The following TTC3 variants were observed in gnomAD, a reference collection of about 807,000 sequenced individuals.
TTC3 encodes E3 ubiquitin-protein ligase TTC3.
In TTC3, 180 loss-of-function variants were observed where a neutral mutation model predicts 249.6. That is an observed-to-expected ratio of 0.72 (90% CI 0.64 to 0.82). TTC3 has a LOEUF of 0.82. Ranked by LOEUF, TTC3 falls within the 40% of genes least tolerant of loss-of-function variation. The pLI is 0.00. For synonymous variants in TTC3, 717 were observed against 805.0 expected, an observed-to-expected ratio of 0.89 and a Z score of 1.85; for missense variants, 2,061 against 2,398.4, an observed-to-expected ratio of 0.86 and a Z score of 2.94.
intron 14 of TTC3, 39 bp from the exon 15 acceptor site, chr21:37,126,041 G>GTT (rs201506911): frequency 5.9e-3 from 7,438 of 1,250,578 alleles, no homozygotes; most frequent in Admixed American, 8.1e-3. Context: ...TGGCTGGGTT[G>GTT]TTTTTTTTTT....
intron 45 of TTC3, among the ~76,000 whole-genome samples, chr21:37,200,970 T>C (rs1437589977): frequency 1.3e-5 from 2 of 152,148 alleles, no homozygotes; most frequent in African/African-American, 4.8e-5. Flanking sequence ...CAGGGTCTTA[T>C]ATTTGGGCTA....
chr21:37,103,613 C>G (rs2074744495), intron 10 of TTC3, among the ~76,000 whole-genome samples: 1 of 151,934 alleles, frequency 6.6e-6, no homozygotes, highest in Non-Finnish European at 1.5e-5. Flanking sequence ...ATAATATATG[C>G]TATTATAACG....
intron 39 of TTC3, among the ~76,000 whole-genome samples, chr21:37,189,453 C>T (rs146001187): frequency 7.2e-4 from 110 of 152,192 alleles, no homozygotes; most frequent in African/African-American, 2.6e-3. Flanking sequence ...ACCATGTTAG[C>T]CAGGATGGTC....
chr21:37,109,541 A>G (rs1159132929), intron 11 of TTC3, among the ~76,000 whole-genome samples: 2 of 152,248 alleles, frequency 1.3e-5, no homozygotes, highest in Non-Finnish European at 2.9e-5. Context: ...CTCAGGCTTG[A>G]GTAGGTAAAC....
In TTC3 at chr21:37,124,601, CT is replaced by C; in HGVS notation, c.1110-12del. ...ACTTTCAAAAAATGTATAATAATTC[CT>C]TTTTTCCCCCACTTAGGGCCTACAC... is the stretch of plus-strand genomic sequence containing the variant. On this transcript the variant is annotated splice_polypyrimidine_tract_variant and intron_variant, in intron 13 of 45. Transcript: ENST00000355666. 5 of 1,603,032 alleles carry C rather than the reference CT, an allele frequency of 3.1e-6. No homozygotes were observed. The highest frequency in any genetic ancestry group is 2.2e-4 in the Middle Eastern group (1 of 4,510).
At chr21:37,089,766 G>A (rs1015391346) in intron 5 of TTC3, among the ~76,000 whole-genome samples, 17 of 151,944 alleles carry the variant, frequency 1.1e-4, no homozygotes, top group South Asian at 4.2e-4. Context: ...CACCCGCCTC[G>A]GCCTCTCAAA....
At chr21:37,136,197 C>G (rs2077920689) in intron 18 of TTC3, among the ~76,000 whole-genome samples, 2 of 152,048 alleles carry the variant, frequency 1.3e-5, no homozygotes, top group African/African-American at 4.8e-5. Flanking sequence ...GAAATTAGGC[C>G]AATTAATGAC....
At chr21:37,158,654 C>A (rs1214928179) in intron 28 of TTC3, among the ~76,000 whole-genome samples, 1 of 152,198 alleles carries the variant, frequency 6.6e-6, no homozygotes, top group African/African-American at 2.4e-5. Context: ...CCAAATAGCC[C>A]CTTAAAGCAG....
At chr21:37,122,110 T>G in intron 12 of TTC3, 131 bp downstream of exon 12, 1 of 807,076 alleles carries the variant, frequency 1.2e-6, no homozygotes, top group Non-Finnish European at 1.8e-6. Flanking sequence ...CATGTTATCT[T>G]GGTCATGGCA....
In TTC3 at chr21:37,095,461, CA is replaced by C; in HGVS notation, c.782+21del. On this transcript the variant is annotated intron_variant, in intron 9 of 45. Coordinates refer to ENST00000355666, the Ensembl canonical transcript of TTC3. ...TGAATATAGGTAAGAGCAAATAGAACAAAAGAGATGCTTTTTCTATGGCACA... is the reference window on the plus strand; with the variant it reads ...TGAATATAGGTAAGAGCAAATAGAACAAAGAGATGCTTTTTCTATGGCACA... The C allele has an allele frequency of 6.8e-7, 1 of 1,480,754 alleles. No individual in the cohort carries two copies. The highest frequency in any genetic ancestry group is 9.2e-7 in the Non-Finnish European group (1 of 1,086,524). The allele number at this position is 1,480,754 out of a possible 1,614,324, so 91.7% of individuals were successfully genotyped here. A position where few individuals can be genotyped will look rare whatever the true frequency, so the allele number is the denominator to read the frequency against.
intron 11 of TTC3, among the ~76,000 whole-genome samples, chr21:37,116,559 A>G (rs2076157669): frequency 6.6e-6 from 1 of 152,132 alleles, no homozygotes; most frequent in Non-Finnish European, 1.5e-5. Context: ...CTGTAATCCT[A>G]GCACTTCAGG....
At chr21:37,079,254 A>G (rs1323198009) in intron 1 of TTC3, among the ~76,000 whole-genome samples, 1 of 152,108 alleles carries the variant, frequency 6.6e-6, no homozygotes, top group Non-Finnish European at 1.5e-5. Flanking sequence ...TGACTTGGGT[A>G]TTAAAGTTAC....
chr21:37,105,865 T>TTGA (rs2075030147), intron 10 of TTC3, among the ~76,000 whole-genome samples: 1 of 152,268 alleles, frequency 6.6e-6, no homozygotes, highest in African/African-American at 2.4e-5. Flanking sequence ...CATTCTATTG[T>TTGA]TGATGGGCAT....
At chr21:37,104,588 C>CAAAAAAAAAAAAAAAAAAAAAAAAAAAA (rs141618903) in intron 10 of TTC3, among the ~76,000 whole-genome samples, 2 of 104,334 alleles carry the variant, frequency 1.9e-5, no homozygotes, top group Non-Finnish European at 3.8e-5. Context: ...AACTCCGTCT[C>CAAAAAAAAAAAAAAAAAAAAAAAAAAAA]AAAAAAAAAA....
chr21:37,159,427 G>T, intron 28 of TTC3: 1 of 385,562 alleles, frequency 2.6e-6, no homozygotes, highest in Non-Finnish European at 4.6e-6. Context: ...ACTGTCTTGT[G>T]CATCTCTATT....
chr21:37,096,777 A>G (rs1377748869), intron 10 of TTC3, 134 bp downstream of exon 10: 2 of 636,260 alleles, frequency 3.1e-6, no homozygotes, highest in Non-Finnish European at 5.5e-6. Context: ...TGGTTAAAAG[A>G]GTATGCTTAG....
exon 27 of TTC3, chr21:37,153,036 C>T (rs376072057): frequency 5.1e-5 from 82 of 1,613,800 alleles, no homozygotes; most frequent in East Asian, 1.6e-4. Context: ...AGATTAAATC[C>T]GGCATACAGA....
At chr21:37,178,791 C>T (rs1319948376) in intron 35 of TTC3, among the ~76,000 whole-genome samples, 1 of 151,946 alleles carries the variant, frequency 6.6e-6, no homozygotes, top group Non-Finnish European at 1.5e-5. Flanking sequence ...AAAATCCCAT[C>T]TCTACAAAAA....
At chr21:37,128,174 T>C (rs945769192) in intron 15 of TTC3, among the ~76,000 whole-genome samples, 1 of 152,220 alleles carries the variant, frequency 6.6e-6, no homozygotes, top group Non-Finnish European at 1.5e-5. Flanking sequence ...ATTCCCTCCT[T>C]ATTACATTGG....
Sources: allele counts gnomAD v4.1 joint callset (sites outside exome capture counted in the v4.1 genomes callset), GRCh38; gene constraint gnomAD v4.1.1; transcripts MANE v1.5; gene names NCBI Gene and HGNC (gene_info 2026-07-23, HGNC 2026-07-21).